ACSL4: variants seen among roughly 807,000 people sequenced by gnomAD.
ACSL4 encodes long-chain-fatty-acid--CoA ligase 4.
In ACSL4, 9 loss-of-function variants were observed where a neutral mutation model predicts 49.1. The ratio of observed to expected loss-of-function variants is 0.18; its 90% confidence interval spans 0.11 to 0.32. ACSL4 has a LOEUF of 0.32. Ranked by LOEUF, ACSL4 falls within the 10% of genes least tolerant of loss-of-function variation. ACSL4 has a pLI of 1.00. For synonymous variants in ACSL4, 191 were observed against 170.3 expected (o/e 1.12, Z -0.95); for missense variants, 333 against 493.7 (o/e 0.67, Z 3.08).
At chrX:109,668,019 T>C (rs1922827121) in intron 11 of ACSL4, 82 bp downstream of exon 11, 3 of 737,783 alleles carry the variant, frequency 4.1e-6, no homozygotes, top group Non-Finnish European at 6.2e-6. Context: ...ATTTTAAAGT[T>C]ACCATGGTTT....
intron 1 of ACSL4, among the ~76,000 whole-genome samples, chrX:109,710,688 TTAAC>T (rs1456977728): frequency 1.8e-5 from 2 of 112,129 alleles, no homozygotes; most frequent in Admixed American, 9.5e-5. Context: ...TGTTCACCCT[TTAAC>T]TAATTTTATT....
chrX:109,657,730 C>T lies in ACSL4; in HGVS notation c.1855+1624G>A, dbSNP rs750301815. Among the ~76,000 whole-genome samples, 96 of 111,663 alleles carry T rather than the reference C, an allele frequency of 8.6e-4. 1 individual carries two copies. The highest frequency in any genetic ancestry group is 3.0e-3 in the African/African-American group (91 of 30,541). Reference sequence around the variant, plus strand: ...TTATTTATAATCCTTTGGGTATATACCCAGTAATGGGATGGCTGGGTCAAA... The same window carrying T: ...TTATTTATAATCCTTTGGGTATATATCCAGTAATGGGATGGCTGGGTCAAA... On this transcript the variant is annotated intron_variant, in intron 15 of 15. Transcript: ENST00000672401.
chrX:109,666,046 T>C (rs182619178), intron 11 of ACSL4, among the ~76,000 whole-genome samples: 8 of 112,547 alleles, frequency 7.1e-5, no homozygotes, highest in East Asian at 2.8e-4. Context: ...TTTGTGATTA[T>C]TGCTAGCAAT....
chrX:109,713,208 T>A lies in ACSL4; in HGVS notation c.-65-17012A>T, dbSNP rs988135699. ...GGCACCACTGTCCTTAGCTAGTCAC[T>A]ACAGATATGGAACCAGGATAGAGGA... On this transcript the variant is annotated intron_variant, in intron 1 of 15. Coordinates refer to ENST00000672401, the MANE Select transcript of ACSL4 (RefSeq NM_001318510.2). 3.6e-5 allele frequency among the ~76,000 whole-genome samples: 4 copies of A among 111,745 alleles called. No homozygotes were observed. The Admixed American group carries it at 3.8e-4, about 11-fold the overall frequency.
chrX:109,693,810 T>C (rs1017160236), intron 2 of ACSL4, among the ~76,000 whole-genome samples: 1 of 112,066 alleles, frequency 8.9e-6, no homozygotes, highest in Non-Finnish European at 1.9e-5. Flanking sequence ...ACTGGCCAGA[T>C]ATGTTCATGC....
intron 1 of ACSL4, among the ~76,000 whole-genome samples, chrX:109,717,815 T>C (rs1441076811): frequency 9.1e-6 from 1 of 110,113 alleles, no homozygotes; most frequent in African/African-American, 3.3e-5. Flanking sequence ...TGCTTATCTC[T>C]GGTGGTAGAT....
At chrX:109,687,981 A>G (rs1924740354) in intron 2 of ACSL4, among the ~76,000 whole-genome samples, 1 of 111,447 alleles carries the variant, frequency 9.0e-6, no homozygotes, top group Non-Finnish European at 1.9e-5. Context: ...TGAGAAACAC[A>G]TGACTGTGTT....
intron 9 of ACSL4, among the ~76,000 whole-genome samples, chrX:109,672,079 T>TAAAAAAAAA: frequency 2.7e-5 from 1 of 37,387 alleles, no homozygotes; most frequent in Non-Finnish European, 4.6e-5. Flanking sequence ...CAATAAATAC[T>TAAAAAAAAA]AAAAAAAAAA....
chrX:109,715,124 T>C (rs1927026929), intron 1 of ACSL4, among the ~76,000 whole-genome samples: 1 of 111,860 alleles, frequency 8.9e-6, no homozygotes, highest in South Asian at 3.7e-4. Flanking sequence ...TGTTTTATGT[T>C]TTTATATACA....
intron 15 of ACSL4, among the ~76,000 whole-genome samples, chrX:109,651,972 G>C (rs890012887): frequency 8.9e-6 from 1 of 111,735 alleles, no homozygotes; most frequent in Non-Finnish European, 1.9e-5. Flanking sequence ...GAAAGGTTAG[G>C]AGAAGGAAAA....
chrX:109,707,585 A>T (rs1926447192), intron 1 of ACSL4, among the ~76,000 whole-genome samples: 1 of 110,724 alleles, frequency 9.0e-6, no homozygotes, highest in African/African-American at 3.3e-5. Flanking sequence ...AGCTCCTAAC[A>T]GGCCATGGAC....
intron 2 of ACSL4, among the ~76,000 whole-genome samples, chrX:109,684,547 C>T (rs1251039429): frequency 8.9e-6 from 1 of 112,213 alleles, no homozygotes; most frequent in Non-Finnish European, 1.9e-5. Context: ...CAGAGTCCTG[C>T]CCCAGAATTC....
At chrX:109,713,784 T>C (rs1411128972) in intron 1 of ACSL4, among the ~76,000 whole-genome samples, 2 of 111,354 alleles carry the variant, frequency 1.8e-5, no homozygotes, top group Non-Finnish European at 3.8e-5. Flanking sequence ...TATCTAAAAA[T>C]AGGGAATAAA....
intron 2 of ACSL4, among the ~76,000 whole-genome samples, chrX:109,688,176 G>A (rs1250812425): frequency 8.9e-6 from 1 of 111,868 alleles, no homozygotes; most frequent in African/African-American, 3.2e-5. Context: ...AGACAAAACA[G>A]CAACAATCCA....
At chrX:109,727,657 T>TTGTG (rs35186119) in intron 1 of ACSL4, among the ~76,000 whole-genome samples, 2,103 of 88,268 alleles carry the variant, frequency 0.024, 34 homozygotes, top group South Asian at 0.034. Context: ...GTTTGTTAAA[T>TTGTG]TGTGTGTGTG....
chrX:109,680,849 T>G, intron 6 of ACSL4, 149 bp downstream of exon 6: 1 of 553,927 alleles, frequency 1.8e-6, no homozygotes, highest in Non-Finnish European at 2.9e-6. Flanking sequence ...CTTAATCATA[T>G]ATGGTCTTGA....
At chrX:109,731,261 G>A (rs1019798623) in intron 1 of ACSL4, among the ~76,000 whole-genome samples, 4 of 110,297 alleles carry the variant, frequency 3.6e-5, no homozygotes, top group African/African-American at 1.3e-4. Context: ...ATATATACAC[G>A]TGTGTATATA....
intron 15 of ACSL4, 145 bp downstream of exon 15, chrX:109,659,209 T>C (rs1349183213): frequency 1.8e-6 from 1 of 546,597 alleles, no homozygotes; most frequent in Non-Finnish European, 3.0e-6. Context: ...CCTTCCAACA[T>C]GGAAATCCAT....
chrX:109,646,039 A>G (rs1220718760), intron 15 of ACSL4, among the ~76,000 whole-genome samples: 2 of 112,092 alleles, frequency 1.8e-5, no homozygotes, highest in Non-Finnish European at 3.8e-5. Flanking sequence ...CCAAATCTAC[A>G]TCTGATTGGT....
Sources: allele counts gnomAD v4.1 joint callset (sites outside exome capture counted in the v4.1 genomes callset), GRCh38; gene constraint gnomAD v4.1.1; transcripts MANE v1.5; gene names NCBI Gene and HGNC (gene_info 2026-07-23, HGNC 2026-07-21).